Variants in ADCY1 observed in about 807,000 individuals in gnomAD.
The protein encoded by ADCY1 is adenylate cyclase type 1.
A neutral mutation model predicts 105.4 loss-of-function variants in ADCY1; 28 were observed. The observed-to-expected ratio is 0.27, with a 90% CI of 0.20 to 0.36. ADCY1 has a LOEUF of 0.36. Among genes scored for constraint, ADCY1 ranks in the 10% least tolerant of loss-of-function variants. The pLI is 1.00. For missense variants in ADCY1, 977 were observed against 1,434.2 expected (o/e 0.68, Z 5.15); for synonymous variants, 655 against 623.8 (o/e 1.05, Z -0.75).
At chr7:45,631,950 T>G (rs747779342) in intron 4 of ADCY1, among the ~76,000 whole-genome samples, 2 of 152,214 alleles carry the variant, frequency 1.3e-5, no homozygotes, top group Non-Finnish European at 2.9e-5. Flanking sequence ...GGTTTTACAT[T>G]TAAGTTTATA....
chr7:45,577,965 A>C (rs1405307655), intron 1 of ADCY1, among the ~76,000 whole-genome samples: 1 of 152,184 alleles, frequency 6.6e-6, no homozygotes, highest in African/African-American at 2.4e-5. Context: ...CTATGGAGAA[A>C]GTTCTTGTGT....
At chr7:45,628,305 A>G (rs1327468332) in intron 4 of ADCY1, among the ~76,000 whole-genome samples, 1 of 152,178 alleles carries the variant, frequency 6.6e-6, no homozygotes, top group Non-Finnish European at 1.5e-5. Context: ...CTTCCAGCCA[A>G]GTGAGCCTCT....
intron 14 of ADCY1, among the ~76,000 whole-genome samples, chr7:45,687,305 T>G (rs1271406210): frequency 1.3e-5 from 2 of 152,186 alleles, no homozygotes; most frequent in Non-Finnish European, 2.9e-5. Flanking sequence ...TCTGTTTGGA[T>G]GTGATCCTGG....
chr7:45,621,656 C>T, intron 3 of ADCY1, among the ~76,000 whole-genome samples: 1 of 152,194 alleles, frequency 6.6e-6, no homozygotes, highest in Non-Finnish European at 1.5e-5. Context: ...TACTTCCCTC[C>T]TGTCCCTGCC....
chr7:45,685,296 A>G (rs746581807), intron 12 of ADCY1, among the ~76,000 whole-genome samples: 11 of 152,238 alleles, frequency 7.2e-5, no homozygotes, highest in Non-Finnish European at 1.6e-4. Context: ...TGCAGAGGAC[A>G]GAAGCAGGGG....
At chr7:45,609,081 A>C (rs944005464) in intron 2 of ADCY1, among the ~76,000 whole-genome samples, 1 of 152,222 alleles carries the variant, frequency 6.6e-6, no homozygotes. Context: ...GGCTGTGCTC[A>C]TGGAATGCTA....
At chr7:45,616,688 AC>A (rs1793747468) in intron 3 of ADCY1, among the ~76,000 whole-genome samples, 2 of 152,252 alleles carry the variant, frequency 1.3e-5, no homozygotes, top group South Asian at 4.1e-4. Context: ...TATGTATATG[AC>A]AAGCCCACAG....
intron 2 of ADCY1, among the ~76,000 whole-genome samples, chr7:45,594,985 A>G (rs1008708324): frequency 1.3e-5 from 2 of 152,150 alleles, no homozygotes; most frequent in African/African-American, 4.8e-5. Context: ...GTGATTTAAA[A>G]CATCTGCTTA....
At chr7:45,652,793 T>A (rs1397072514) in intron 5 of ADCY1, among the ~76,000 whole-genome samples, 1 of 152,158 alleles carries the variant, frequency 6.6e-6, no homozygotes, top group Non-Finnish European at 1.5e-5. Flanking sequence ...TGGTGAAGAA[T>A]GCTGGACTTG....
intron 8 of ADCY1, 32 bp downstream of exon 8, chr7:45,662,246 A>T: frequency 6.2e-7 from 1 of 1,600,756 alleles, no homozygotes. Flanking sequence ...GCCATGCTGG[A>T]GCTGCCAGGG....
rs1305714181 is a variant in ADCY1 at position 45,679,746 on chromosome 7, T to G, written c.1936T>G (p.Cys646Gly). Residue 646 changes from cysteine (C) to glycine (G), a missense_variant, in exon 11 of 20, where the codon TGC becomes GGC. Physicochemically the swap from Cys to Gly is radical, Grantham distance 159. Transcript: ENST00000297323. ...CCTGCTCCTGCTAGTATTCTGCATC[T>G]GCTTCCTGGTGGCCTGTGTCCTGTA... ...VVLLLLVFCICFLVACVLYLH... is the reference protein window; with the variant it reads ...VVLLLLVFCIGFLVACVLYLH... 3 of 1,614,262 alleles carry G rather than the reference T, an allele frequency of 1.9e-6. No homozygotes were observed. In the South Asian group the frequency reaches 3.3e-5, roughly 18 times the overall value.
At chr7:45,646,612 G>A (rs1794671693) in intron 4 of ADCY1, among the ~76,000 whole-genome samples, 2 of 152,210 alleles carry the variant, frequency 1.3e-5, no homozygotes, top group African/African-American at 4.8e-5. Flanking sequence ...AAACAGCACT[G>A]TGGGGCCAAG....
intron 14 of ADCY1, among the ~76,000 whole-genome samples, chr7:45,694,131 AAAAAAAC>A (rs1401973401): frequency 9.3e-5 from 14 of 151,112 alleles, no homozygotes; most frequent in Middle Eastern, 3.4e-3. Flanking sequence ...AAAAAAAAAA[AAAAAAAC>A]ACTGTCAACC....
intron 1 of ADCY1, among the ~76,000 whole-genome samples, chr7:45,584,801 G>A (rs183441173): frequency 1.3e-5 from 2 of 152,372 alleles, no homozygotes; most frequent in African/African-American, 2.4e-5. Flanking sequence ...GGGGGCACCT[G>A]TGGGTTTTCT....
intron 8 of ADCY1, among the ~76,000 whole-genome samples, chr7:45,664,895 G>A (rs1482781261): frequency 1.3e-4 from 20 of 152,130 alleles, no homozygotes; most frequent in Admixed American, 1.2e-3. Flanking sequence ...AGTCCCGCAT[G>A]CATTAGGTAT....
intron 2 of ADCY1, among the ~76,000 whole-genome samples, chr7:45,602,372 C>T (rs1793263975): frequency 6.6e-6 from 1 of 152,104 alleles, no homozygotes; most frequent in South Asian, 2.1e-4. Flanking sequence ...CTGCCTGCAG[C>T]CTGTCCAGGA....
intron 5 of ADCY1, among the ~76,000 whole-genome samples, chr7:45,654,655 G>C (rs1794892265): frequency 6.6e-6 from 1 of 152,174 alleles, no homozygotes; most frequent in African/African-American, 2.4e-5. Context: ...GAAACTTGGA[G>C]GATTACTTCG....
rs183644102 is a variant in ADCY1 at position 45,591,392 on chromosome 7, C to T, written c.640-1367C>T. On this transcript the variant is annotated intron_variant, in intron 1 of 19. Transcript: ENST00000297323. This position sits in a 1 kb window ranked among gnomAD's most constrained non-coding sequence, Gnocchi z 4.1. Reference sequence around the variant, plus strand: ...CTACCTCCTGGACTCGCTTGGTCCCCGTCAGGTGGCAGCTGCTCCCCACAC... The same window carrying T: ...CTACCTCCTGGACTCGCTTGGTCCCTGTCAGGTGGCAGCTGCTCCCCACAC... Among the ~76,000 whole-genome samples, 35 of 152,334 alleles carry T rather than the reference C, an allele frequency of 2.3e-4. No homozygotes were observed. The highest frequency in any genetic ancestry group is 7.9e-4 in the African/African-American group (33 of 41,578).
intron 19 of ADCY1, among the ~76,000 whole-genome samples, chr7:45,711,970 C>CATATATTAAATATTTTAT (rs1284620069): frequency 3.9e-5 from 4 of 102,426 alleles, no homozygotes; most frequent in Non-Finnish European, 7.2e-5. Context: ...TATATAAATA[C>CATATATTAAATATTTTAT]ATATTATATT....
Sources: allele counts gnomAD v4.1 joint callset (sites outside exome capture counted in the v4.1 genomes callset), GRCh38; gene constraint gnomAD v4.1.1; non-coding constraint Gnocchi (gnomAD v3.1); transcripts MANE v1.5; gene names NCBI Gene and HGNC (gene_info 2026-07-23, HGNC 2026-07-21).